Variants in TCOF1 observed in about 807,000 individuals in gnomAD.
The protein encoded by TCOF1 is treacle protein.
A neutral mutation model predicts 149.0 loss-of-function variants in TCOF1; 33 were observed. The ratio of observed to expected loss-of-function variants is 0.22; its 90% CI spans 0.17 to 0.30. The LOEUF (loss-of-function observed/expected upper bound fraction) is 0.30. Ranked by LOEUF, TCOF1 falls within the 10% of genes least tolerant of loss-of-function variation. TCOF1 has a pLI of 1.00. For missense variants in TCOF1, 1,728 were observed against 1,840.7 expected (o/e 0.94, Z 1.12); for synonymous variants, 789 against 738.8 (o/e 1.07, Z -1.10).
At position 150,374,091 on chromosome 5, in the gene TCOF1, T is replaced by C. The variant is rs1763148382; in HGVS notation, c.871-83T>C. 3.4e-6 allele frequency: 5 copies of C among 1,468,140 alleles called. No individual in the cohort carries two copies. In the South Asian group the frequency reaches 6.1e-5, roughly 18 times the overall value. 90.9% of individuals were successfully genotyped at this position (1,468,140 alleles called of 1,614,324 possible). ...GCAGGGGAGGTCTTAGGAGCCTCAT[T>C]AAGGCCTCTGGACTTTATCCTAAAG... On this transcript the variant is annotated intron_variant, in intron 7 of 26. Coordinates refer to ENST00000643257, the MANE Select transcript of TCOF1 (RefSeq NM_001371623.1).
At chr5:150,364,072 C>G (rs1581039206) in intron 2 of TCOF1, 41 bp from the exon 3 acceptor site, 3 of 1,613,524 alleles carry the variant, frequency 1.9e-6, no homozygotes, top group Admixed American at 3.3e-5. Context: ...TGGAGTTGTT[C>G]TGTCACCCAG....
intron 3 of TCOF1, among the ~76,000 whole-genome samples, chr5:150,367,175 G>A (rs1581060020): frequency 6.6e-6 from 1 of 152,068 alleles, no homozygotes; most frequent in Admixed American, 6.5e-5. Context: ...CATGGTGGTG[G>A]ACGTCTGTAG....
At chr5:150,371,668 G>T (rs757454802) in intron 6 of TCOF1, among the ~76,000 whole-genome samples, 1 of 152,126 alleles carries the variant, frequency 6.6e-6, no homozygotes, top group African/African-American at 2.4e-5. Context: ...GACAGGATGC[G>T]CTCTCCTGAT....
chr5:150,369,733 A>G (rs1457664558), intron 6 of TCOF1, 131 bp downstream of exon 6: 1 of 1,026,228 alleles, frequency 9.7e-7, no homozygotes, highest in Non-Finnish European at 1.5e-6. Context: ...GGAGCTGGAA[A>G]GGCTGCAGCC....
At chr5:150,380,013 A>T in intron 17 of TCOF1, 1 of 412,672 alleles carries the variant, frequency 2.4e-6, no homozygotes, top group Non-Finnish European at 4.6e-6. Flanking sequence ...CGGAGGCTGC[A>T]GCAAGCCAAG....
chr5:150,396,317 A>C lies in TCOF1; in HGVS notation c.3820A>C (p.Lys1274Gln), dbSNP rs1323323146. 6.2e-7 allele frequency: 1 copy of C among 1,613,836 alleles called. No individual in the cohort carries two copies. The highest frequency in any genetic ancestry group is 8.5e-7 in the Non-Finnish European group (1 of 1,180,056). The stretch of plus-strand genomic sequence containing the variant: ...GGCTGCTTCAGGCACCACACCTCAG[A>C]AGTCCCGGAAGCCCAAGAAAGGGGC... ...KEAASGTTPQ[K>Q]SRKPKKGAGN... Residue 1274 changes from lysine (K) to glutamine (Q), a missense_variant, in exon 24 of 27, where the codon AAG becomes CAG. Around this residue, in one of 2 missense-constraint regions of TCOF1, gnomAD observed 1,696 missense variants for 1,765.4 expected, o/e 0.96. Coordinates refer to ENST00000643257, the MANE Select transcript of TCOF1 (RefSeq NM_001371623.1).
At position 150,364,115 on chromosome 5, in the gene TCOF1, C is replaced by T; in HGVS notation, c.167C>T (p.Thr56Ile). 6.2e-7 allele frequency: 1 copy of T among 1,614,108 alleles called. No individual in the cohort carries two copies. Among genetic ancestry groups the T allele is most frequent in the Non-Finnish European group, 8.5e-7 (1 of 1,179,990 alleles). The change falls in exon 3 of 27, where the codon ACC becomes ATC. Residue 56 changes from threonine to isoleucine, a missense_variant and splice_region_variant. Physicochemically the swap from Thr to Ile is moderately conservative, Grantham distance 89. Coordinates refer to ENST00000643257, the MANE Select transcript of TCOF1 (RefSeq NM_001371623.1). ...LLDIYTHWQQ[T>I]SELGRKRKAE... ...AGACAGTCACCCTTGTCCTGCAGAA[C>T]CTCAGAGCTTGGTCGGAAGCGGAAG...
At position 150,392,129 on chromosome 5, in the gene TCOF1, A is replaced by G. The variant is rs572161839; in HGVS notation, c.3470A>G (p.Glu1157Gly). ...EDSSDSSSGS[E>G]EDGEGPQGAK... ...AGCAGCGACAGTTCTTCAGGGAGTG[A>G]GGAAGATGGTGAAGGGCCCCAGGGG... The change falls in exon 21 of 27, where the codon GAG (glutamate) becomes GGG (glycine). Residue 1157 changes from glutamate to glycine, a missense_variant. Around this residue, in one of 2 missense-constraint regions of TCOF1, gnomAD observed 1,696 missense variants for 1,765.4 expected, o/e 0.96. Coordinates refer to ENST00000643257, the MANE Select transcript of TCOF1 (RefSeq NM_001371623.1). 1.9e-6 allele frequency: 3 copies of G among 1,614,212 alleles called. No individual in the cohort carries two copies. The East Asian group carries it at 6.7e-5, about 36-fold the overall frequency.
Position 150,388,069 on chromosome 5 carries a change from T to A in TCOF1, c.3027T>A (p.Ala1009=). The A allele has an allele frequency of 6.2e-7, 1 of 1,613,256 alleles. No homozygotes were observed. Among genetic ancestry groups the A allele is most frequent in the Non-Finnish European group, 8.5e-7 (1 of 1,179,898 alleles). ...SESEDEDVIP[A]TQCLTPGIRT... Reference sequence around the variant, plus strand: ...GCGAGGATGAGGACGTGATCCCCGCTACACAGTGCTTGACTCCTGGTGAGC... The same window carrying A: ...GCGAGGATGAGGACGTGATCCCCGCAACACAGTGCTTGACTCCTGGTGAGC... The change falls in exon 18 of 27, where the codon GCT becomes GCA. Residue 1009 remains alanine, a synonymous_variant. Transcript: ENST00000643257.
At chr5:150,377,350 C>G (rs1196237726) in intron 14 of TCOF1, among the ~76,000 whole-genome samples, 1 of 152,168 alleles carries the variant, frequency 6.6e-6, no homozygotes, top group Non-Finnish European at 1.5e-5. Flanking sequence ...GAGATCTCAC[C>G]TGCTACACCC....
chr5:150,358,576 C>G (rs1410868724), intron 1 of TCOF1, among the ~76,000 whole-genome samples: 1 of 152,176 alleles, frequency 6.6e-6, no homozygotes, highest in Non-Finnish European at 1.5e-5. Context: ...GTAGCTCACG[C>G]CTGTAATCCC....
chr5:150,369,696 A>G, intron 6 of TCOF1, 94 bp downstream of exon 6: 1 of 1,389,092 alleles, frequency 7.2e-7, no homozygotes, highest in Non-Finnish European at 1.0e-6. Flanking sequence ...GGCCCAGATG[A>G]GTTCAGCAAC....
In TCOF1 at chr5:150,391,987, A is replaced by G. The variant is rs373465181; in HGVS notation, c.3328A>G (p.Thr1110Ala). 4.8e-5 allele frequency: 78 copies of G among 1,614,072 alleles called. No homozygotes were observed. In the South Asian group the frequency reaches 5.5e-4, roughly 11 times the overall value. The change falls in exon 21 of 27, where the codon ACA (threonine) becomes GCA (alanine). Residue 1110 changes from threonine to alanine, a missense_variant. By Grantham distance (58) the Thr-to-Ala change is moderately conservative. Transcript: ENST00000643257. ...VDSAVGTLPA[T>A]SPQSTSVQAK... is the part of the protein sequence containing the mutation. The stretch of plus-strand genomic sequence containing the variant: ...CAGTGCTGTGGGAACACTCCCTGCA[A>G]CAAGTCCCCAGAGCACCTCCGTCCA...
intron 13 of TCOF1, 36 bp downstream of exon 13, chr5:150,376,366 G>C (rs376955088): frequency 1.2e-6 from 2 of 1,614,122 alleles, no homozygotes; most frequent in South Asian, 2.2e-5. Context: ...CCTCAGGGCC[G>C]CCCCTACGTG....
At chr5:150,388,965 G>A (rs1255841509) in intron 18 of TCOF1, among the ~76,000 whole-genome samples, 1 of 152,002 alleles carries the variant, frequency 6.6e-6, no homozygotes, top group Non-Finnish European at 1.5e-5. Flanking sequence ...TTACTGCTGG[G>A]CATGGTGGTT....
At chr5:150,376,880 G>C (rs572722964) in intron 14 of TCOF1, among the ~76,000 whole-genome samples, 1 of 152,322 alleles carries the variant, frequency 6.6e-6, no homozygotes, top group South Asian at 2.1e-4. Flanking sequence ...TTCCCACCCT[G>C]CCAGGTGCTG....
At chr5:150,393,008 TG>T (rs1767757461) in intron 22 of TCOF1, 2 of 627,642 alleles carry the variant, frequency 3.2e-6, no homozygotes, top group Non-Finnish European at 5.6e-6. Flanking sequence ...AGCTGACCCT[TG>T]GGGTCTGTAG....
chr5:150,372,097 A>G lies in TCOF1; in HGVS notation c.731A>G (p.Lys244Arg). 1 of 1,614,240 alleles carries G rather than the reference A, an allele frequency of 6.2e-7. No homozygotes were observed. The highest frequency in any genetic ancestry group is 8.5e-7 in the Non-Finnish European group (1 of 1,180,036). Reference protein sequence around the residue: ...PARKAAPAPGKVGDVTPQVKG... With the variant: ...PARKAAPAPGRVGDVTPQVKG... ...AGAAAGGCGGCCCCAGCCCCTGGGA[A>G]GGTGGGGGATGTGACACCCCAGGTC... Residue 244 changes from lysine to arginine, a missense_variant, in exon 7 of 27, where the codon AAG becomes AGG. Around this residue, in one of 2 missense-constraint regions of TCOF1, gnomAD observed 1,696 missense variants for 1,765.4 expected, o/e 0.96. Transcript: ENST00000643257.
intron 15 of TCOF1, 25 bp downstream of exon 15, chr5:150,379,067 A>C: frequency 1.2e-6 from 2 of 1,613,772 alleles, no homozygotes; most frequent in Non-Finnish European, 1.7e-6. Flanking sequence ...AAGCCACAGG[A>C]GGTGTGGAGG....
Sources: allele counts gnomAD v4.1 joint callset (sites outside exome capture counted in the v4.1 genomes callset), GRCh38; gene constraint gnomAD v4.1.1; regional missense constraint gnomAD v4.1.1; transcripts MANE v1.5; gene names NCBI Gene and HGNC (gene_info 2026-07-23, HGNC 2026-07-21).